NALCN: variants seen among roughly 807,000 people sequenced by gnomAD.
NALCN encodes sodium leak channel, non-selective, also known as sodium leak channel NALCN.
Under a neutral mutation model 225.3 loss-of-function variants are expected in NALCN, and 111 were observed. The ratio of observed to expected loss-of-function variants is 0.49; its 90% confidence interval spans 0.42 to 0.58. NALCN has a LOEUF of 0.58. NALCN is among the 20% of genes least tolerant of loss of function. The pLI, the probability that NALCN is intolerant of heterozygous loss-of-function variation, is 0.00. For synonymous variants in NALCN, 764 were observed against 769.0 expected, an observed-to-expected ratio of 0.99 and a Z score of 0.11; for missense variants, 1,378 against 2,202.4, an observed-to-expected ratio of 0.63 and a Z score of 7.49.
chr13:101,137,073 A>T (rs1353320039), intron 17 of NALCN, among the ~76,000 whole-genome samples: 1 of 152,220 alleles, frequency 6.6e-6, no homozygotes, highest in Non-Finnish European at 1.5e-5. Flanking sequence ...AATCTTACGC[A>T]TCTTTTTATT....
intron 18 of NALCN, among the ~76,000 whole-genome samples, chr13:101,119,977 T>A (rs1664765101): frequency 6.6e-6 from 1 of 152,186 alleles, no homozygotes; most frequent in South Asian, 2.1e-4. Context: ...AATTCATTTA[T>A]ATTTCTCAAA....
intron 18 of NALCN, among the ~76,000 whole-genome samples, chr13:101,115,347 G>T (rs1354993872): frequency 3.9e-5 from 6 of 152,128 alleles, no homozygotes; most frequent in Admixed American, 2.0e-4. Context: ...AAGCCTGAAA[G>T]CCAAGAGGGA....
At chr13:101,291,916 A>C in intron 9 of NALCN, 74 bp downstream of exon 9, 1 of 1,453,064 alleles carries the variant, frequency 6.9e-7, no homozygotes, top group South Asian at 1.2e-5. Context: ...GAGCTTCCCC[A>C]AGGTCCACTG....
In NALCN at chr13:101,398,215, A is replaced by C. The variant is rs150232430; in HGVS notation, c.108+804T>G. ...GAATAAAAATAGAAATATAGAAAGA[A>C]ATGTGAGCAGGCAGGGAAAGTAACC... is the stretch of plus-strand genomic sequence containing the variant. On this transcript the variant is annotated intron_variant, in intron 2 of 43. Coordinates refer to ENST00000251127, the MANE Select transcript of NALCN (RefSeq NM_052867.4). Among the ~76,000 whole-genome samples, 332 of 152,328 alleles carry C rather than the reference A, an allele frequency of 2.2e-3. 1 individual carries two copies. Among genetic ancestry groups the C allele is most frequent in the African/African-American group, 7.4e-3 (307 of 41,568 alleles).
chr13:101,321,686 A>C (rs989789286), intron 7 of NALCN, among the ~76,000 whole-genome samples: 3 of 152,184 alleles, frequency 2.0e-5, no homozygotes, highest in Non-Finnish European at 4.4e-5. Flanking sequence ...AAAATACGTG[A>C]TAGTCACCAC....
At chr13:101,111,724 T>C (rs2035449719) in intron 18 of NALCN, among the ~76,000 whole-genome samples, 1 of 152,170 alleles carries the variant, frequency 6.6e-6, no homozygotes, top group African/African-American at 2.4e-5. Flanking sequence ...AAGGGGAGTT[T>C]CCCTGTACAA....
At chr13:101,359,620 C>T (rs1204809251) in intron 6 of NALCN, among the ~76,000 whole-genome samples, 1 of 152,214 alleles carries the variant, frequency 6.6e-6, no homozygotes, top group African/African-American at 2.4e-5. Flanking sequence ...TATCTTTATG[C>T]AGCTGATGTG....
At chr13:101,215,525 G>A (rs1480995710) in intron 13 of NALCN, among the ~76,000 whole-genome samples, 1 of 152,010 alleles carries the variant, frequency 6.6e-6, no homozygotes, top group Admixed American at 6.6e-5. Context: ...TGCTGGCTGG[G>A]CTTTGGTCTC....
rs142167357 is a variant in NALCN, at chr13:101,355,689, T to A, written c.645-10269A>T. ...TTCAGGACTTGAACTCAGCTCTGGA[T>A]CAAGTGGACCTAATGGACATCTATA... On this transcript the variant is annotated intron_variant, in intron 6 of 43. Transcript: ENST00000251127. Among the ~76,000 whole-genome samples, 330 of 152,162 alleles carry A rather than the reference T, an allele frequency of 2.2e-3. 1 individual carries two copies. Among genetic ancestry groups the A allele is most frequent in the African/African-American group, 7.6e-3 (315 of 41,528 alleles).
chr13:101,337,276 TATTA>T (rs1200479527), intron 7 of NALCN, among the ~76,000 whole-genome samples: 6 of 141,318 alleles, frequency 4.2e-5, no homozygotes, highest in African/African-American at 1.7e-4. Context: ...ATTTACTCTT[TATTA>T]TTTATTTATT....
rs58212216 is a variant in NALCN at position 101,402,646 on chromosome 13, A to T, written c.-39-3481T>A. Among the ~76,000 whole-genome samples the T allele has an allele frequency of 2.0e-5, 3 of 152,144 alleles. No individual in the cohort carries two copies. In the South Asian group the frequency reaches 6.2e-4, roughly 32 times the overall value. On this transcript the variant is annotated intron_variant, in intron 1 of 43. Transcript: ENST00000251127. The stretch of plus-strand genomic sequence containing the variant: ...CATGCCCTTCTTGCCTGTCTTCTCT[A>T]CTTAACCCCTTAAGTGATCACCTGT...
chr13:101,114,700 C>T (rs916978689), intron 18 of NALCN, among the ~76,000 whole-genome samples: 1 of 152,192 alleles, frequency 6.6e-6, no homozygotes, highest in Non-Finnish European at 1.5e-5. Context: ...AGATTCCTGA[C>T]TAAAACTGTG....
At chr13:101,354,603 A>G (rs138544555) in intron 6 of NALCN, among the ~76,000 whole-genome samples, 194 of 152,354 alleles carry the variant, frequency 1.3e-3, no homozygotes, top group African/African-American at 4.5e-3. Context: ...AGCATAACAG[A>G]ACTTCAGTTG....
intron 1 of NALCN, among the ~76,000 whole-genome samples, chr13:101,406,645 C>T (rs2047635065): frequency 6.6e-6 from 1 of 152,194 alleles, no homozygotes. Flanking sequence ...TCACCACACA[C>T]TTATAAAAAT....
intron 22 of NALCN, among the ~76,000 whole-genome samples, chr13:101,106,573 T>C (rs1206500134): frequency 1.3e-5 from 2 of 152,120 alleles, no homozygotes; most frequent in Non-Finnish European, 2.9e-5. Flanking sequence ...GTAGCTCCCA[T>C]AATTCCCACA....
intron 11 of NALCN, among the ~76,000 whole-genome samples, chr13:101,251,573 T>C (rs1566487049): frequency 6.6e-6 from 1 of 152,136 alleles, no homozygotes; most frequent in Non-Finnish European, 1.5e-5. Context: ...ATTTATGAAA[T>C]ACTTTCTAAT....
chr13:101,274,782 A>C (rs1193859700), intron 10 of NALCN, among the ~76,000 whole-genome samples: 1 of 152,082 alleles, frequency 6.6e-6, no homozygotes, highest in Non-Finnish European at 1.5e-5. Context: ...GTAATAGCCT[A>C]TTTTTTTAGC....
At position 101,158,030 on chromosome 13, in the gene NALCN, G is replaced by T. The variant is rs114030654; in HGVS notation, c.1840-13134C>A. 4.1e-3 allele frequency among the ~76,000 whole-genome samples: 631 copies of T among 152,144 alleles called. 8 individuals are homozygous for T. The highest frequency in any genetic ancestry group is 0.014 in the African/African-American group (599 of 41,532). On this transcript the variant is annotated intron_variant, in intron 15 of 43. Transcript: ENST00000251127. ...CCTCCCAAAGTGCTGAGATTACAGG[G>T]TGAGCAACCAACTGTCTTTTCTTTC...
intron 1 of NALCN, among the ~76,000 whole-genome samples, chr13:101,415,037 C>A (rs2139572363): frequency 1.4e-5 from 2 of 147,706 alleles, no homozygotes; most frequent in East Asian, 3.9e-4. Context: ...TTTCTCGTTG[C>A]AGATGTTTGG....
Sources: allele counts gnomAD v4.1 joint callset (sites outside exome capture counted in the v4.1 genomes callset), GRCh38; gene constraint gnomAD v4.1.1; transcripts MANE v1.5; gene names NCBI Gene and HGNC (gene_info 2026-07-23, HGNC 2026-07-21).